Variants in FAAH2 observed in about 807,000 individuals in gnomAD.
The protein encoded by FAAH2 is fatty-acid amide hydrolase 2.
A neutral mutation model predicts 36.9 loss-of-function variants in FAAH2; 60 were observed. The ratio of observed to expected loss-of-function variants is 1.63; its 90% CI spans 1.32 to 2.02. The LOEUF (loss-of-function observed/expected upper bound fraction) is 2.02, where lower values mean the gene tolerates loss of function less well. FAAH2 is among the 30% of genes most tolerant of loss of function. The pLI is 0.00. For missense variants in FAAH2, 689 were observed against 397.5 expected, an observed-to-expected ratio of 1.73 and a Z score of -6.23; for synonymous variants, 214 against 143.8, an observed-to-expected ratio of 1.49 and a Z score of -3.49.
intron 7 of FAAH2, among the ~76,000 whole-genome samples, chrX:57,409,376 G>A (rs915962901): frequency 9.9e-5 from 11 of 110,876 alleles, no homozygotes; most frequent in African/African-American, 3.6e-4. Flanking sequence ...TTTTTATCTG[G>A]CCTTGATATC....
the FAAH2 span, among the ~76,000 whole-genome samples, chrX:57,266,823 C>T: frequency 8.9e-6 from 1 of 112,259 alleles, no homozygotes; most frequent in African/African-American, 3.2e-5. Context: ...GATGTGGAGC[C>T]CAGGGGGTTT....
chrX:57,150,847 G>C, the FAAH2 span, among the ~76,000 whole-genome samples: 1 of 111,881 alleles, frequency 8.9e-6, no homozygotes, highest in Non-Finnish European at 1.9e-5. Context: ...TGCAGTTTCT[G>C]CCTAGCCTTG....
At chrX:57,476,400 G>A (rs1024773498) in intron 10 of FAAH2, among the ~76,000 whole-genome samples, 9 of 111,311 alleles carry the variant, frequency 8.1e-5, no homozygotes, top group African/African-American at 2.9e-4. Flanking sequence ...AGAGCTTTTA[G>A]CATGAAAGGG....
At chrX:57,277,406 T>C in the FAAH2 span, among the ~76,000 whole-genome samples, 1 of 111,554 alleles carries the variant, frequency 9.0e-6, no homozygotes, top group African/African-American at 3.3e-5. Flanking sequence ...ATAAACTAGG[T>C]ATTGATGGAA....
rs776150208 is a variant in FAAH2, at chrX:57,488,912, G to T, written c.1579G>T (p.Val527Phe). The part of the protein sequence containing the change: ...QYLEKTFGGW[V>F]CPGKF ...CTTGGAGAAAACTTTTGGGGGCTGG[G>T]TCTGTCCAGGAAAGTTTTAGGAGGA... is the stretch of plus-strand genomic sequence containing the variant. Residue 527 changes from valine (V) to phenylalanine (F), a missense_variant, in exon 11 of 11, where the codon GTC (valine) becomes TTC (phenylalanine). Val to Phe is a conservative substitution (Grantham distance 50). Transcript: ENST00000374900. The T allele has an allele frequency of 1.7e-6, 2 of 1,208,241 alleles. No individual in the cohort carries two copies. The highest frequency in any genetic ancestry group is 1.1e-6 in the Non-Finnish European group (1 of 894,810).
chrX:57,351,321 T>G (rs1459804788), intron 5 of FAAH2, among the ~76,000 whole-genome samples: 1 of 111,183 alleles, frequency 9.0e-6, no homozygotes, highest in African/African-American at 3.2e-5. Flanking sequence ...TAAAACTTGT[T>G]GGTTACAGCA....
intron 8 of FAAH2, among the ~76,000 whole-genome samples, chrX:57,441,265 G>A (rs2056548018): frequency 9.0e-6 from 1 of 111,092 alleles, no homozygotes; most frequent in South Asian, 3.8e-4. Flanking sequence ...GCTAATTATT[G>A]CATCAATTTC....
At chrX:57,355,175 T>C (rs2054128598) in intron 5 of FAAH2, among the ~76,000 whole-genome samples, 1 of 111,253 alleles carries the variant, frequency 9.0e-6, no homozygotes, top group Non-Finnish European at 1.9e-5. Flanking sequence ...TACTTACCTC[T>C]TAGGTTAGTT....
At chrX:57,353,856 A>G (rs2054093249) in intron 5 of FAAH2, among the ~76,000 whole-genome samples, 1 of 111,389 alleles carries the variant, frequency 9.0e-6, no homozygotes, top group Admixed American at 9.6e-5. Flanking sequence ...AACGCTCAGT[A>G]TCACTAGCTA....
At chrX:57,341,740 C>T (rs1194543217) in intron 5 of FAAH2, among the ~76,000 whole-genome samples, 2 of 110,745 alleles carry the variant, frequency 1.8e-5, no homozygotes, top group Non-Finnish European at 3.8e-5. Context: ...GGATTCAAAC[C>T]TACTTGGATT....
At chrX:57,425,465 G>T (rs2056137795) in intron 7 of FAAH2, among the ~76,000 whole-genome samples, 1 of 111,348 alleles carries the variant, frequency 9.0e-6, no homozygotes, top group African/African-American at 3.3e-5. Flanking sequence ...ATTAGCAACA[G>T]AAACGTTTTG....
At chrX:57,139,239 G>T in the FAAH2 span, among the ~76,000 whole-genome samples, 2 of 112,250 alleles carry the variant, frequency 1.8e-5, no homozygotes, top group African/African-American at 6.5e-5. Flanking sequence ...TATATGGTGA[G>T]AGATAGATAT....
the FAAH2 span, chrX:57,137,110 AC>A: frequency 1.5e-6 from 1 of 673,832 alleles, no homozygotes. Flanking sequence ...GCACTCCCCC[AC>A]CCCACCCTTG....
chrX:57,455,241 C>T (rs1487614736), intron 10 of FAAH2, among the ~76,000 whole-genome samples: 1 of 111,254 alleles, frequency 9.0e-6, no homozygotes, highest in Non-Finnish European at 1.9e-5. Flanking sequence ...TCTTCCCAGA[C>T]AAGCAAGTAC....
At chrX:57,436,795 T>C (rs910805967) in intron 8 of FAAH2, among the ~76,000 whole-genome samples, 24 of 111,094 alleles carry the variant, frequency 2.2e-4, no homozygotes, top group Non-Finnish European at 4.4e-4. Context: ...TAAATGGATT[T>C]TCCATACACA....
chrX:57,430,330 T>C (rs1188176360), intron 7 of FAAH2, among the ~76,000 whole-genome samples: 1 of 111,598 alleles, frequency 9.0e-6, no homozygotes, highest in African/African-American at 3.3e-5. Flanking sequence ...CTGATTATTT[T>C]TCCCTAATTC....
At chrX:57,162,432 C>G in the FAAH2 span, among the ~76,000 whole-genome samples, 10 of 111,874 alleles carry the variant, frequency 8.9e-5, no homozygotes, top group African/African-American at 3.2e-4. Flanking sequence ...GGGAAGTTCT[C>G]CTGGATAATA....
In FAAH2 at chrX:57,286,988, C is replaced by A; in HGVS notation, c.163C>A (p.Gln55Lys). The change falls in exon 1 of 11, where the codon CAG becomes AAG. Residue 55 changes from glutamine (Q) to lysine (K), a missense_variant. Transcript: ENST00000374900. ...ACCATTGCTTCTGCTTTCGGGGATG[C>A]AGCTGGCCAAGCTGATCCGACAGAG... Reference protein sequence around the residue: ...TEPLLLLSGMQLAKLIRQRKV... With the variant: ...TEPLLLLSGMKLAKLIRQRKV... 1 of 1,198,078 alleles carries A rather than the reference C, an allele frequency of 8.3e-7. No homozygotes were observed. Among genetic ancestry groups the A allele is most frequent in the Non-Finnish European group, 1.1e-6 (1 of 888,435 alleles).
At chrX:57,353,571 C>A (rs1386137139) in intron 5 of FAAH2, among the ~76,000 whole-genome samples, 1 of 107,039 alleles carries the variant, frequency 9.3e-6, no homozygotes, top group Non-Finnish European at 1.9e-5. Flanking sequence ...ACTAAGACCA[C>A]AAAAGCACAG....
Sources: gnomAD v4.1 joint callset for allele counts (sites outside exome capture counted in the v4.1 genomes callset) on GRCh38, gnomAD v4.1.1 for gene constraint, MANE v1.5 for transcripts, NCBI Gene and HGNC (gene_info 2026-07-23, HGNC 2026-07-21) for gene names.